BCL11A: variants seen among roughly 807,000 people sequenced by gnomAD.
BCL11A encodes the protein B cell CLL/lymphoma 11A.
Under a neutral mutation model 55.9 loss-of-function variants are expected in BCL11A, and 2 were observed. The ratio of observed to expected loss-of-function variants is 0.04; its 90% CI spans 0.01 to 0.11. The LOEUF is 0.11. BCL11A is among the 10% of genes least tolerant of loss of function. The pLI is 1.00. For synonymous variants in BCL11A, 465 were observed against 473.4 expected, an observed-to-expected ratio of 0.98 and a Z score of 0.23; for missense variants, 817 against 1,137.1, an observed-to-expected ratio of 0.72 and a Z score of 4.05.
At chr2:60,550,362 T>C (rs554928896) in intron 1 of BCL11A, among the ~76,000 whole-genome samples, 17 of 152,078 alleles carry the variant, frequency 1.1e-4, no homozygotes, top group Admixed American at 2.0e-4. Context: ...TACGGGGTGA[T>C]GGGGGAGAGA....
At chr2:60,526,163 T>G (rs1669194080) in intron 2 of BCL11A, 1 of 152,246 alleles carries the variant, frequency 6.6e-6, no homozygotes, top group Non-Finnish European at 1.5e-5. Flanking sequence ...AAATCTAGAT[T>G]TGATCAAATT....
chr2:60,539,701 G>A (rs1669833946), intron 2 of BCL11A, among the ~76,000 whole-genome samples: 1 of 152,138 alleles, frequency 6.6e-6, no homozygotes, highest in African/African-American at 2.4e-5. Context: ...TTGGTCTCTA[G>A]GAGCACATGT....
chr2:60,553,297 G>T lies in BCL11A; in HGVS notation c.-27C>A, dbSNP rs1323733409. On this transcript the variant is annotated 5_prime_UTR_variant, in exon 1 of 4. Transcript: ENST00000642384. ...GTGGGCTGCGGGGCGGGCGGCGGCG[G>T]CGGCGGCGGCGGCGGCGGGCGGACG... 6.5e-7 allele frequency: 1 copy of T among 1,532,636 alleles called. No individual in the cohort carries two copies. Among genetic ancestry groups the T allele is most frequent in the South Asian group, 1.2e-5 (1 of 81,742 alleles). 94.9% of individuals were successfully genotyped at this position (1,532,636 alleles called of 1,614,324 possible).
chr2:60,551,748 G>T (rs1160759654), intron 1 of BCL11A, among the ~76,000 whole-genome samples: 2 of 151,054 alleles, frequency 1.3e-5, no homozygotes, highest in Admixed American at 6.6e-5. Flanking sequence ...GAGACACTGC[G>T]TGGCCTGCCG....
At chr2:60,545,494 A>G (rs1670108428) in intron 2 of BCL11A, 1 of 161,018 alleles carries the variant, frequency 6.2e-6, no homozygotes, top group African/African-American at 2.4e-5. Context: ...AGCCCACTCT[A>G]CTTCAGGGAA....
chr2:60,506,236 G>A (rs146732404), intron 2 of BCL11A, among the ~76,000 whole-genome samples: 2 of 152,352 alleles, frequency 1.3e-5, no homozygotes, highest in Non-Finnish European at 2.9e-5. Flanking sequence ...GCATGGAGGG[G>A]AGGCAGCAGC....
chr2:60,550,729 A>G (rs367571512), intron 1 of BCL11A: 50 of 397,770 alleles, frequency 1.3e-4, no homozygotes, highest in East Asian at 5.0e-4. Flanking sequence ...CCCAAGATGG[A>G]CCCAGGAGGG....
chr2:60,518,259 A>T (rs965446809), intron 2 of BCL11A, among the ~76,000 whole-genome samples: 2 of 152,190 alleles, frequency 1.3e-5, no homozygotes, highest in South Asian at 2.1e-4. Flanking sequence ...TCCCTCTGTC[A>T]ACATCTGCTG....
At chr2:60,547,734 G>T (rs1041958297) in intron 1 of BCL11A, among the ~76,000 whole-genome samples, 2 of 152,142 alleles carry the variant, frequency 1.3e-5, no homozygotes, top group African/African-American at 4.8e-5. Context: ...CAAAAATCCA[G>T]TGAACTCAGG....
At chr2:60,506,820 T>A (rs959387226) in intron 2 of BCL11A, among the ~76,000 whole-genome samples, 1 of 152,248 alleles carries the variant, frequency 6.6e-6, no homozygotes, top group Non-Finnish European at 1.5e-5. Context: ...GATTTCATTA[T>A]AGCCTCTGCA....
chr2:60,534,986 A>G (rs1669607110), intron 2 of BCL11A: 1 of 152,244 alleles, frequency 6.6e-6, no homozygotes, highest in Non-Finnish European at 1.5e-5. Context: ...GGTGCTATAA[A>G]CAATTTTCAC....
At chr2:60,485,915 A>G (rs1678249118) in intron 2 of BCL11A, among the ~76,000 whole-genome samples, 1 of 152,236 alleles carries the variant, frequency 6.6e-6, no homozygotes, top group Non-Finnish European at 1.5e-5. Context: ...CTCATTTTCA[A>G]CAAGAAGGCT....
In BCL11A at chr2:60,545,992, G is replaced by A. The variant is rs762197327; in HGVS notation, c.364C>T (p.Pro122Ser). The A allele has an allele frequency of 6.2e-7, 1 of 1,613,870 alleles. No homozygotes were observed. Among genetic ancestry groups the A allele is most frequent in the African/African-American group, 1.3e-5 (1 of 75,018 alleles). Reference sequence around the variant, plus strand: ...TTACCTGCTATGTGTTCCTGTTTGGGGCAAATTCCTCTAGATGACGTTGAT... The same window carrying A: ...TTACCTGCTATGTGTTCCTGTTTGGAGCAAATTCCTCTAGATGACGTTGAT... ...CLSTSSRGIC[P>S]KQEHIADKLL... Residue 122 changes from proline (P) to serine (S), a missense_variant, in exon 2 of 4, where the codon CCC becomes TCC. Pro to Ser is a moderately conservative substitution (Grantham distance 74, BLOSUM62 -1). Around this residue, in one of 4 missense-constraint regions of BCL11A, gnomAD observed 363 missense variants for 486.6 expected, o/e 0.75. Transcript: ENST00000642384.
intron 2 of BCL11A, among the ~76,000 whole-genome samples, chr2:60,513,186 G>A (rs1668564033): frequency 6.6e-6 from 1 of 152,112 alleles, no homozygotes. Flanking sequence ...TCTCATCTTT[G>A]AGCGGCTCTT....
chr2:60,458,721 C>T lies in BCL11A; in HGVS notation c.*1683G>A. On this transcript the variant is annotated 3_prime_UTR_variant, in exon 4 of 4. Transcript: ENST00000642384. Reference sequence around the variant, plus strand: ...TGTAAACTGGGAAAATTGTACAGTGCACTTAATTGTCCTATCTGAGCAGGT... The same window carrying T: ...TGTAAACTGGGAAAATTGTACAGTGTACTTAATTGTCCTATCTGAGCAGGT... The T allele has an allele frequency of 9.7e-7, 1 of 1,033,012 alleles. No individual in the cohort carries two copies. Among genetic ancestry groups the T allele is most frequent in the Non-Finnish European group, 1.2e-6 (1 of 858,536 alleles). The allele number at this position is 1,033,012 out of a possible 1,614,324, so 64.0% of individuals were successfully genotyped here.
At chr2:60,505,767 T>C (rs1164545287) in intron 2 of BCL11A, among the ~76,000 whole-genome samples, 1 of 152,188 alleles carries the variant, frequency 6.6e-6, no homozygotes, top group African/African-American at 2.4e-5. Flanking sequence ...CCTGGGTCTA[T>C]CATTTTAGAA....
intron 1 of BCL11A, among the ~76,000 whole-genome samples, chr2:60,551,597 C>T (rs1670416433): frequency 6.6e-6 from 1 of 152,254 alleles, no homozygotes; most frequent in African/African-American, 2.4e-5. Context: ...AGGCGCAGAA[C>T]GCGCTTTTAC....
chr2:60,530,931 G>C (rs944470905), intron 2 of BCL11A, among the ~76,000 whole-genome samples: 3 of 152,120 alleles, frequency 2.0e-5, no homozygotes, highest in Non-Finnish European at 4.4e-5. Flanking sequence ...GATAAACAAA[G>C]TGCTTCAAGT....
chr2:60,489,790 G>A (rs1425546122), intron 2 of BCL11A, among the ~76,000 whole-genome samples: 1 of 152,008 alleles, frequency 6.6e-6, no homozygotes, highest in Non-Finnish European at 1.5e-5. Context: ...ATCCAAAAAT[G>A]TTTACTCAAG....
Sources: allele counts gnomAD v4.1 joint callset (sites outside exome capture counted in the v4.1 genomes callset), GRCh38; gene constraint gnomAD v4.1.1; regional missense constraint gnomAD v4.1.1; transcripts MANE v1.5; gene names NCBI Gene and HGNC (gene_info 2026-07-23, HGNC 2026-07-21).